Variants in EPS15 observed in about 807,000 individuals in gnomAD.
EPS15 encodes the protein epidermal growth factor receptor substrate 15.
A neutral mutation model predicts 113.8 loss-of-function variants in EPS15; 72 were observed. The ratio of observed to expected loss-of-function variants is 0.63; its 90% CI spans 0.52 to 0.77. The LOEUF (loss-of-function observed/expected upper bound fraction) is 0.77. Among genes scored for constraint, EPS15 ranks in the 30% least tolerant of loss-of-function variants. EPS15 has a pLI of 0.00. For missense variants in EPS15, 1,048 were observed against 1,045.8 expected (o/e 1.00, Z -0.03); for synonymous variants, 344 against 363.4 (o/e 0.95, Z 0.61).
chr1:51,470,301 A>T (rs1211293368), intron 4 of EPS15, among the ~76,000 whole-genome samples: 1 of 152,204 alleles, frequency 6.6e-6, no homozygotes, highest in East Asian at 1.9e-4. Context: ...CATTTTTGTC[A>T]CATGGAAATT....
chr1:51,475,793 T>C (rs1302426216), intron 2 of EPS15, among the ~76,000 whole-genome samples: 1 of 152,232 alleles, frequency 6.6e-6, no homozygotes, highest in Non-Finnish European at 1.5e-5. Flanking sequence ...GGTTTTCTTC[T>C]AGGGTTTTTA....
intron 11 of EPS15, 61 bp from the exon 12 acceptor site, chr1:51,440,493 ACT>A: frequency 1.4e-6 from 1 of 716,742 alleles, no homozygotes; most frequent in East Asian, 2.7e-5. Context: ...AAGACAAAAC[ACT>A]AAAAATATTA....
At chr1:51,478,213 CTTCT>C (rs1272861915) in intron 2 of EPS15, among the ~76,000 whole-genome samples, 43 of 152,062 alleles carry the variant, frequency 2.8e-4, no homozygotes, top group African/African-American at 8.9e-4. Context: ...ATGTAATGGC[CTTCT>C]TTGTCTCTTT....
chr1:51,482,713 G>A (rs1018098451), intron 1 of EPS15, among the ~76,000 whole-genome samples: 5 of 152,044 alleles, frequency 3.3e-5, no homozygotes, highest in African/African-American at 9.7e-5. Flanking sequence ...TGATCCACCC[G>A]TTGTGGCTTC....
rs1176375180 is a variant in EPS15 at position 51,468,396 on chromosome 1, A to G, written c.309+77T>C. On this transcript the variant is annotated intron_variant, in intron 5 of 24. Coordinates refer to ENST00000371733, the MANE Select transcript of EPS15 (RefSeq NM_001981.3). ...CCAAAGGGAGAATTCCTTTTAATAT[A>G]TTACTTTTAATTTTCAAATAACGTG... 4 of 1,076,742 alleles carry G rather than the reference A, an allele frequency of 3.7e-6. No individual in the cohort carries two copies. In the African/African-American group the frequency reaches 4.7e-5, roughly 13 times the overall value. 66.7% of individuals were successfully genotyped at this position (1,076,742 alleles called of 1,614,324 possible). A position where few individuals can be genotyped will look rare whatever the true frequency, so the allele number is the denominator to read the frequency against.
rs1353436879 is a variant in EPS15 at position 51,356,670 on chromosome 1, T to C, written c.*30A>G. On this transcript the variant is annotated 3_prime_UTR_variant, in exon 25 of 25. Coordinates refer to ENST00000371733, the MANE Select transcript of EPS15 (RefSeq NM_001981.3). ...TTTCAGTATTCAGGAAGAAGAATAC[T>C]ATATTGTTGCCAAAGAACAAGAGAA... The C allele has an allele frequency of 4.4e-6, 7 of 1,603,856 alleles. No individual in the cohort carries two copies. The highest frequency in any genetic ancestry group is 4.0e-5 in the African/African-American group (3 of 74,580).
chr1:51,407,617 C>A (rs1253949550), intron 15 of EPS15, among the ~76,000 whole-genome samples: 5 of 152,210 alleles, frequency 3.3e-5, no homozygotes, highest in African/African-American at 1.2e-4. Flanking sequence ...ACAGAAGGAA[C>A]AATTTCCTTA....
At chr1:51,388,712 A>G (rs950065451) in intron 21 of EPS15, among the ~76,000 whole-genome samples, 3 of 152,222 alleles carry the variant, frequency 2.0e-5, no homozygotes, top group African/African-American at 7.2e-5. Flanking sequence ...AAACTAGAAA[A>G]TCTAGAAGAA....
At chr1:51,395,007 C>T (rs114032030) in intron 20 of EPS15, among the ~76,000 whole-genome samples, 4,582 of 151,990 alleles carry the variant, frequency 0.03, 77 homozygotes, top group African/African-American at 0.05. Flanking sequence ...TAGCTGGGAC[C>T]GCAGGTGTAT....
At chr1:51,425,782 T>C (rs1433670798) in intron 12 of EPS15, among the ~76,000 whole-genome samples, 4 of 152,230 alleles carry the variant, frequency 2.6e-5, no homozygotes, top group Admixed American at 6.5e-5. Context: ...ATCTCTATCA[T>C]CTTAGGATTT....
At chr1:51,469,295 C>A (rs1048745003) in intron 4 of EPS15, among the ~76,000 whole-genome samples, 2 of 152,020 alleles carry the variant, frequency 1.3e-5, no homozygotes, top group Non-Finnish European at 2.9e-5. Flanking sequence ...AATTTTGAAA[C>A]TGGAACAGTA....
chr1:51,478,281 G>A (rs1288676602), intron 2 of EPS15, among the ~76,000 whole-genome samples: 4 of 152,114 alleles, frequency 2.6e-5, no homozygotes, highest in Admixed American at 2.6e-4. Flanking sequence ...TGCAACCCCT[G>A]CTTTTTTTTT....
At chr1:51,471,143 C>T (rs1655207212) in intron 4 of EPS15, among the ~76,000 whole-genome samples, 1 of 152,184 alleles carries the variant, frequency 6.6e-6, no homozygotes, top group African/African-American at 2.4e-5. Flanking sequence ...GGAATTCAAT[C>T]CTTATACAAC....
intron 1 of EPS15, among the ~76,000 whole-genome samples, chr1:51,503,745 T>C (rs6657654): frequency 0.022 from 3,338 of 152,308 alleles, 32 homozygotes; most frequent in Middle Eastern, 0.034. Context: ...GCACAGGACA[T>C]ATAGATCAAT....
chr1:51,432,165 T>C (rs1651784428), intron 12 of EPS15, among the ~76,000 whole-genome samples: 1 of 152,206 alleles, frequency 6.6e-6, no homozygotes, highest in Admixed American at 6.5e-5. Flanking sequence ...CAGACTATAA[T>C]ACATCTCAAT....
Position 51,408,244 on chromosome 1 carries a change from C to T in EPS15, c.1364G>A (p.Ser455Asn). Residue 455 changes from serine (S) to asparagine (N), a missense_variant, in exon 15 of 25, where the codon AGC (serine) becomes AAC (asparagine). Physicochemically the swap from Ser to Asn is conservative, Grantham distance 46. Transcript: ENST00000371733. ...EELAKAREELSRLQQETAELE... is the reference protein window; with the variant it reads ...EELAKAREELNRLQQETAELE... ...TTCTGCTGTTTCTTGCTGTAGACGGCTCAGCTCTTCTCTAGCTTTTGCCAA... is the reference window on the plus strand; with the variant it reads ...TTCTGCTGTTTCTTGCTGTAGACGGTTCAGCTCTTCTCTAGCTTTTGCCAA... The T allele has an allele frequency of 6.2e-7, 1 of 1,613,964 alleles. No homozygotes were observed. The highest frequency in any genetic ancestry group is 8.5e-7 in the Non-Finnish European group (1 of 1,179,838).
At chr1:51,380,027 T>G (rs1646902719) in intron 21 of EPS15, among the ~76,000 whole-genome samples, 1 of 149,818 alleles carries the variant, frequency 6.7e-6, no homozygotes, top group Non-Finnish European at 1.5e-5. Flanking sequence ...TGCCACTGCA[T>G]TCCAGCCTGG....
intron 1 of EPS15, among the ~76,000 whole-genome samples, chr1:51,481,861 C>T (rs1411830148): frequency 3.3e-5 from 5 of 152,202 alleles, no homozygotes; most frequent in Non-Finnish European, 7.3e-5. Flanking sequence ...TGAACAGACT[C>T]ATCTGAAATT....
intron 1 of EPS15, among the ~76,000 whole-genome samples, chr1:51,484,294 G>A (rs1031211136): frequency 2.0e-5 from 3 of 151,876 alleles, no homozygotes; most frequent in East Asian, 1.9e-4. Context: ...AGGTGTAGTC[G>A]CTCGCGCCTG....
Sources: allele counts gnomAD v4.1 joint callset (sites outside exome capture counted in the v4.1 genomes callset), GRCh38; gene constraint gnomAD v4.1.1; transcripts MANE v1.5; gene names NCBI Gene and HGNC (gene_info 2026-07-23, HGNC 2026-07-21).